ALK: variants seen among roughly 807,000 people sequenced by gnomAD.
ALK encodes ALK receptor tyrosine kinase.
Under a neutral mutation model 163.1 loss-of-function variants are expected in ALK, and 74 were observed. The observed-to-expected ratio is 0.45, with a 90% CI of 0.38 to 0.55. The LOEUF is 0.55. ALK is among the 20% of genes least tolerant of loss of function. ALK has a pLI of 0.00. For missense variants in ALK, 2,063 were observed against 2,105.3 expected, an observed-to-expected ratio of 0.98 and a Z score of 0.39; for synonymous variants, 960 against 843.2, an observed-to-expected ratio of 1.14 and a Z score of -2.40.
chr2:29,660,615 G>A (rs1054559408), intron 3 of ALK, among the ~76,000 whole-genome samples: 1 of 151,918 alleles, frequency 6.6e-6, no homozygotes, highest in African/African-American at 2.4e-5. Context: ...AAAAGGGGAT[G>A]AGGGAAACCA....
At chr2:29,655,903 G>A (rs888635316) in intron 3 of ALK, among the ~76,000 whole-genome samples, 1 of 152,186 alleles carries the variant, frequency 6.6e-6, no homozygotes, top group African/African-American at 2.4e-5. Flanking sequence ...ATATGGTCAT[G>A]CTAGCTGGAG....
intron 4 of ALK, among the ~76,000 whole-genome samples, chr2:29,497,713 T>C (rs1672066605): frequency 6.6e-6 from 1 of 152,202 alleles, no homozygotes; most frequent in Non-Finnish European, 1.5e-5. Context: ...TTAGGTTCAA[T>C]ATTCTGCTCA....
At chr2:29,912,907 A>C (rs995583547) in intron 1 of ALK, among the ~76,000 whole-genome samples, 2 of 152,176 alleles carry the variant, frequency 1.3e-5, no homozygotes, top group African/African-American at 4.8e-5. Context: ...ATTCCAATGA[A>C]AACTAAATAA....
At chr2:29,245,854 A>T (rs112566253) in intron 12 of ALK, among the ~76,000 whole-genome samples, 3 of 152,262 alleles carry the variant, frequency 2.0e-5, no homozygotes, top group African/African-American at 2.4e-5. Flanking sequence ...TTGGGGCTCC[A>T]TGGCTCAGTG....
rs570053785 is a variant in ALK at position 29,247,830 on chromosome 2, C to T, written c.2204+3275G>A. Among the ~76,000 whole-genome samples, 33 of 152,208 alleles carry T rather than the reference C, an allele frequency of 2.2e-4. No homozygotes were observed. In the East Asian group the frequency reaches 6.0e-3, roughly 28 times the overall value. On this transcript the variant is annotated intron_variant, in intron 12 of 28. Transcript: ENST00000389048. ...GCCATGCCTCCAGGATGGGTGGGTTCGTTAGGGCTCGGCTCCCACCTTTCT... is the reference window on the plus strand; with the variant it reads ...GCCATGCCTCCAGGATGGGTGGGTTTGTTAGGGCTCGGCTCCCACCTTTCT...
At chr2:29,492,065 G>A (rs1374246899) in intron 4 of ALK, among the ~76,000 whole-genome samples, 1 of 151,894 alleles carries the variant, frequency 6.6e-6, no homozygotes, top group Non-Finnish European at 1.5e-5. Flanking sequence ...CTATCTAGTA[G>A]GATTAATCAA....
At chr2:29,259,317 C>T (rs965305091) in intron 11 of ALK, among the ~76,000 whole-genome samples, 1 of 152,124 alleles carries the variant, frequency 6.6e-6, no homozygotes, top group Admixed American at 6.5e-5. Flanking sequence ...TACTGTACTA[C>T]ACATAGCTGC....
chr2:29,457,098 G>A (rs1044789188), intron 4 of ALK, among the ~76,000 whole-genome samples: 10 of 152,166 alleles, frequency 6.6e-5, no homozygotes, highest in Admixed American at 2.0e-4. Context: ...GAAAGGCACC[G>A]TGGTAACTTT....
intron 23 of ALK, 29 bp from the exon 24 acceptor site, chr2:29,214,110 C>G (rs376055205): frequency 5.0e-6 from 8 of 1,593,538 alleles, no homozygotes; most frequent in African/African-American, 1.3e-5. Context: ...GGGCCACTGA[C>G]GAGGAGCTTG....
intron 8 of ALK, among the ~76,000 whole-genome samples, chr2:29,302,298 A>G (rs1666394254): frequency 6.6e-6 from 1 of 152,192 alleles, no homozygotes; most frequent in Non-Finnish European, 1.5e-5. Context: ...CAGGTGGATC[A>G]CCTGAGGTCA....
chr2:29,648,125 C>G (rs1237725899), intron 3 of ALK, among the ~76,000 whole-genome samples: 1 of 152,120 alleles, frequency 6.6e-6, no homozygotes, highest in African/African-American at 2.4e-5. Flanking sequence ...CTGTTTTGCA[C>G]CTCATTGACT....
chr2:29,615,429 G>A (rs2148224628), intron 3 of ALK, among the ~76,000 whole-genome samples: 1 of 152,218 alleles, frequency 6.6e-6, no homozygotes, highest in East Asian at 1.9e-4. Flanking sequence ...TCTGTGCTGT[G>A]GTTCCCTTGT....
intron 1 of ALK, among the ~76,000 whole-genome samples, chr2:29,905,769 A>G (rs943540436): frequency 6.6e-6 from 1 of 152,138 alleles, no homozygotes; most frequent in Admixed American, 6.5e-5. Flanking sequence ...TGTGGGTCCA[A>G]GGGGGCTGGA....
intron 4 of ALK, among the ~76,000 whole-genome samples, chr2:29,516,748 T>C (rs1672677232): frequency 6.6e-6 from 1 of 152,176 alleles, no homozygotes; most frequent in Admixed American, 6.5e-5. Flanking sequence ...ATTGTGAAAA[T>C]TAAATGGGTA....
At chr2:29,719,361 A>C (rs899334727) in intron 1 of ALK, among the ~76,000 whole-genome samples, 1 of 152,216 alleles carries the variant, frequency 6.6e-6, no homozygotes, top group Non-Finnish European at 1.5e-5. Context: ...GAGGAAATGC[A>C]CTGAAAGGGG....
chr2:29,490,201 T>C (rs1055787202), intron 4 of ALK, among the ~76,000 whole-genome samples: 5 of 152,140 alleles, frequency 3.3e-5, no homozygotes, highest in African/African-American at 9.7e-5. Context: ...GAGCTAGAGA[T>C]AGGGAAGAGC....
chr2:29,754,020 T>C (rs1205632253), intron 1 of ALK, among the ~76,000 whole-genome samples: 2 of 151,950 alleles, frequency 1.3e-5, no homozygotes, highest in Admixed American at 6.5e-5. Context: ...ACTATACAGA[T>C]GTGGATGTTG....
chr2:29,633,833 C>T (rs1676448966), intron 3 of ALK, among the ~76,000 whole-genome samples: 1 of 152,186 alleles, frequency 6.6e-6, no homozygotes, highest in East Asian at 1.9e-4. Context: ...GGGCCAATTC[C>T]TTGAAAAACA....
At chr2:29,285,046 A>G (rs1665816466) in intron 9 of ALK, among the ~76,000 whole-genome samples, 1 of 152,222 alleles carries the variant, frequency 6.6e-6, no homozygotes, top group African/African-American at 2.4e-5. Context: ...TGTCTACTTA[A>G]GTTCGCCCAA....
Sources: allele counts gnomAD v4.1 joint callset (sites outside exome capture counted in the v4.1 genomes callset), GRCh38; gene constraint gnomAD v4.1.1; transcripts MANE v1.5; gene names NCBI Gene and HGNC (gene_info 2026-07-23, HGNC 2026-07-21).